SHISA6: variants seen among roughly 807,000 people sequenced by gnomAD.
The protein encoded by SHISA6 is protein shisa-6.
A neutral mutation model predicts 47.9 loss-of-function variants in SHISA6; 22 were observed. The ratio of observed to expected loss-of-function variants is 0.46; its 90% confidence interval spans 0.33 to 0.66. SHISA6 has a LOEUF of 0.66. SHISA6 is among the 30% of genes least tolerant of loss of function. SHISA6 has a pLI of 0.02. For synonymous variants in SHISA6, 388 were observed against 337.8 expected (o/e 1.15, Z -1.63); for missense variants, 680 against 764.6 (o/e 0.89, Z 1.30).
intron 3 of SHISA6, among the ~76,000 whole-genome samples, chr17:11,458,676 G>A (rs2142311812): frequency 6.6e-6 from 1 of 152,144 alleles, no homozygotes; most frequent in South Asian, 2.1e-4. Context: ...CTATCTTCTG[G>A]GAGAACCAGC....
intron 2 of SHISA6, among the ~76,000 whole-genome samples, chr17:11,378,743 G>A (rs765744895): frequency 6.6e-6 from 1 of 152,170 alleles, no homozygotes; most frequent in Admixed American, 6.5e-5. Flanking sequence ...AGTGTCTGCT[G>A]CATAAAGTTA....
Position 11,379,414 on chromosome 17 carries a change from G to A in SHISA6, c.800G>A (p.Gly267Glu). Reference protein sequence around the residue: ...TPVRTAKQTPGHYGKDAYRSG... With the variant: ...TPVRTAKQTPEHYGKDAYRSG... ...GTAATTCTGCCCCATCTTCTTGCAG[G>A]GCATTATGGGAAGGATGCTTACCGA... The change falls in exon 3 of 6, where the codon GGG becomes GAG. Residue 267 changes from glycine (G) to glutamate (E), a missense_variant and splice_region_variant. Gly to Glu is a moderately conservative substitution (Grantham distance 98). Around this residue, in one of 2 missense-constraint regions of SHISA6, gnomAD observed 559 missense variants for 674.1 expected, o/e 0.83. Coordinates refer to ENST00000441885, the MANE Select transcript of SHISA6 (RefSeq NM_207386.4). 2 of 1,535,260 alleles carry A rather than the reference G, an allele frequency of 1.3e-6. No homozygotes were observed. The highest frequency in any genetic ancestry group is 1.2e-5 in the South Asian group (1 of 81,524).
intron 2 of SHISA6, among the ~76,000 whole-genome samples, chr17:11,310,127 G>A (rs1350559352): frequency 6.6e-6 from 1 of 152,210 alleles, no homozygotes; most frequent in African/African-American, 2.4e-5. Context: ...AAGATGGGGA[G>A]AGTGGATTGG....
At chr17:11,346,981 T>A (rs748954203) in intron 2 of SHISA6, among the ~76,000 whole-genome samples, 8 of 152,212 alleles carry the variant, frequency 5.3e-5, no homozygotes, top group Non-Finnish European at 7.3e-5. Context: ...ATTGCATGAC[T>A]TTTATAGGCA....
In SHISA6 at chr17:11,267,233, C is replaced by A. The variant is rs76379838; in HGVS notation, c.799+3707C>A. Among the ~76,000 whole-genome samples, 484 of 152,316 alleles carry A rather than the reference C, an allele frequency of 3.2e-3. 4 individuals are homozygous for A. Among genetic ancestry groups the A allele is most frequent in the African/African-American group, 0.011 (453 of 41,580 alleles). On this transcript the variant is annotated intron_variant, in intron 2 of 5. Coordinates refer to ENST00000441885, the MANE Select transcript of SHISA6 (RefSeq NM_207386.4). The stretch of plus-strand genomic sequence containing the variant: ...AACCCTGCTTTAATCCCTTACCCCT[C>A]AAATCTGGCTGCCTGCAGACCCTTG...
intron 3 of SHISA6, among the ~76,000 whole-genome samples, chr17:11,420,693 C>T (rs375375330): frequency 3.3e-5 from 5 of 152,126 alleles, no homozygotes; most frequent in African/African-American, 7.2e-5. Context: ...CCTTTGTCAC[C>T]GCCACTGGCC....
intron 2 of SHISA6, among the ~76,000 whole-genome samples, chr17:11,352,811 C>T (rs1449289663): frequency 6.6e-6 from 1 of 152,160 alleles, no homozygotes; most frequent in Non-Finnish European, 1.5e-5. Context: ...AGAATGGCCC[C>T]CCTTTTATTG....
At chr17:11,482,329 C>T (rs1201991406) in intron 3 of SHISA6, among the ~76,000 whole-genome samples, 1 of 152,152 alleles carries the variant, frequency 6.6e-6, no homozygotes, top group African/African-American at 2.4e-5. Flanking sequence ...ACATAAGTTA[C>T]ATTTGCCATG....
chr17:11,398,373 T>G (rs1913646951), intron 3 of SHISA6, among the ~76,000 whole-genome samples: 1 of 152,282 alleles, frequency 6.6e-6, no homozygotes, highest in South Asian at 2.1e-4. Context: ...TGGTCCTCTT[T>G]CGTCTTACAG....
chr17:11,327,878 G>A (rs1003981165), intron 2 of SHISA6, among the ~76,000 whole-genome samples: 2 of 152,034 alleles, frequency 1.3e-5, no homozygotes, highest in East Asian at 3.9e-4. Flanking sequence ...GGCAATTTAA[G>A]TTAAAGTTTC....
chr17:11,490,621 C>T (rs865991784), intron 3 of SHISA6, among the ~76,000 whole-genome samples: 4 of 152,162 alleles, frequency 2.6e-5, no homozygotes, highest in Non-Finnish European at 5.9e-5. Context: ...GAAGTGCAGC[C>T]GGTGGTGACT....
At chr17:11,522,712 C>T (rs1198005986) in intron 3 of SHISA6, among the ~76,000 whole-genome samples, 3 of 152,292 alleles carry the variant, frequency 2.0e-5, no homozygotes, top group South Asian at 2.1e-4. Context: ...GCGATCCTCC[C>T]GCCTTGGTGT....
intron 2 of SHISA6, among the ~76,000 whole-genome samples, chr17:11,367,488 A>G (rs1912493318): frequency 6.6e-6 from 1 of 152,192 alleles, no homozygotes; most frequent in Non-Finnish European, 1.5e-5. Context: ...TATAAAAAAC[A>G]TTTGGGAATT....
chr17:11,264,158 A>G (rs1908342784), intron 2 of SHISA6, among the ~76,000 whole-genome samples: 1 of 152,218 alleles, frequency 6.6e-6, no homozygotes, highest in Admixed American at 6.5e-5. Context: ...AGTAACTTGA[A>G]CAAGGTCACT....
At chr17:11,503,347 T>A (rs1427465277) in intron 3 of SHISA6, among the ~76,000 whole-genome samples, 1 of 142,782 alleles carries the variant, frequency 7.0e-6, no homozygotes, top group South Asian at 2.2e-4. Context: ...AAAAACAGGC[T>A]CCCCTTCGGT....
Position 11,293,745 on chromosome 17 carries a change from G to A in SHISA6, c.799+30219G>A, listed in dbSNP as rs555293414. 2.6e-5 allele frequency among the ~76,000 whole-genome samples: 4 copies of A among 152,210 alleles called. No homozygotes were observed. In the South Asian group the frequency reaches 8.3e-4, roughly 32 times the overall value. Reference sequence around the variant, plus strand: ...GCGAAGTCAGTCTCTGGTGCTGTAGGGATAAGCACACCAACCTCATAGATC... The same window carrying A: ...GCGAAGTCAGTCTCTGGTGCTGTAGAGATAAGCACACCAACCTCATAGATC... On this transcript the variant is annotated intron_variant, in intron 2 of 5. Coordinates refer to ENST00000441885, the MANE Select transcript of SHISA6 (RefSeq NM_207386.4).
At chr17:11,382,075 G>C (rs975969206) in intron 3 of SHISA6, among the ~76,000 whole-genome samples, 2 of 148,780 alleles carry the variant, frequency 1.3e-5, no homozygotes, top group African/African-American at 2.4e-5. Context: ...CCGTTTTTTA[G>C]AGAGAGAGAG....
intron 3 of SHISA6, among the ~76,000 whole-genome samples, chr17:11,467,974 C>T (rs1915851584): frequency 6.6e-6 from 1 of 152,062 alleles, no homozygotes; most frequent in Non-Finnish European, 1.5e-5. Context: ...TATTCTTTTC[C>T]CTGAAAGCTT....
intron 3 of SHISA6, among the ~76,000 whole-genome samples, chr17:11,515,821 CA>C (rs1307078529): frequency 6.6e-6 from 1 of 152,166 alleles, no homozygotes; most frequent in Non-Finnish European, 1.5e-5. Flanking sequence ...AGGGCACAAG[CA>C]CCTATGTTTC....
Sources: gnomAD v4.1 joint callset for allele counts (sites outside exome capture counted in the v4.1 genomes callset) on GRCh38, gnomAD v4.1.1 for gene constraint, gnomAD v4.1.1 regional missense constraint, MANE v1.5 for transcripts, NCBI Gene and HGNC (gene_info 2026-07-23, HGNC 2026-07-21) for gene names.